SLC34A3: variants seen among roughly 807,000 people sequenced by gnomAD.
SLC34A3 encodes solute carrier family 34 member 3.
In SLC34A3, 60 loss-of-function variants were observed where a neutral mutation model predicts 43.9. The ratio of observed to expected loss-of-function variants is 1.37; its 90% CI spans 1.11 to 1.70. The LOEUF is 1.70. Ranked by LOEUF, SLC34A3 falls within the 40% of genes most tolerant of loss-of-function variation. The pLI is 0.00. For synonymous variants in SLC34A3, 451 were observed against 386.2 expected (o/e 1.17, Z -1.97); for missense variants, 969 against 823.8 (o/e 1.18, Z -2.16).
rs765381678 is a variant in SLC34A3 at position 137,231,730 on chromosome 9, G to A, written c.28G>A (p.Val10Ile). 1 of 1,613,070 alleles carries A rather than the reference G, an allele frequency of 6.2e-7. No homozygotes were observed. The highest frequency in any genetic ancestry group is 1.1e-5 in the South Asian group (1 of 91,080). ...GCCGAGTTCCCTTCCCGGCAGCCAG[G>A]TCCCCCACCCCACTCTGGACGCGGT... Reference protein sequence around the residue: MPSSLPGSQVPHPTLDAVDL... With the variant: MPSSLPGSQIPHPTLDAVDL... The change falls in exon 2 of 13, where the codon GTC becomes ATC. Residue 10 changes from valine (V) to isoleucine (I), a missense_variant. By Grantham distance (29) the Val-to-Ile change is conservative. Transcript: ENST00000673835.
rs768922988 is a variant in SLC34A3, at chr9:137,234,259, G to A, written c.1076G>A (p.Arg359Lys). 1 of 1,611,052 alleles carries A rather than the reference G, an allele frequency of 6.2e-7. No individual in the cohort carries two copies. Among genetic ancestry groups the A allele is most frequent in the Non-Finnish European group, 8.5e-7 (1 of 1,179,556 alleles). ...VLRGRVAQVVRTVINADFPFP... is the reference protein window; with the variant it reads ...VLRGRVAQVVKTVINADFPFP... ...CGCGGCCGCGTGGCCCAGGTCGTGAGGACAGTCATCAATGCGGGTGAGGGC... is the reference window on the plus strand; with the variant it reads ...CGCGGCCGCGTGGCCCAGGTCGTGAAGACAGTCATCAATGCGGGTGAGGGC... The change falls in exon 10 of 13, where the codon AGG becomes AAG. Residue 359 changes from arginine to lysine, a missense_variant. Arg to Lys is a conservative substitution (Grantham distance 26). Coordinates refer to ENST00000673835, the MANE Select transcript of SLC34A3 (RefSeq NM_001177316.2). The surrounding 1 kb of genome is among the most constrained non-coding windows in gnomAD (Gnocchi z 6.9).
chr9:137,236,456 GGGAGGGCTCT>G lies in SLC34A3; in HGVS notation c.*48_*57del, dbSNP rs575802297. ...GCAGACCGCCCCACCCTCCCCGGCT[GGGAGGGCTCT>G]GGAGGGCCCTGGAGGGGGGGTCCCC... On this transcript the variant is annotated 3_prime_UTR_variant, in exon 13 of 13. Transcript: ENST00000673835. 1.4e-3 allele frequency: 2,122 copies of G among 1,519,334 alleles called. 5 individuals carry two copies. The highest frequency in any genetic ancestry group is 1.6e-3 in the South Asian group (138 of 83,674). The allele number at this position is 1,519,334 out of a possible 1,614,324, so 94.1% of individuals were successfully genotyped here. A position where few individuals can be genotyped will look rare whatever the true frequency, so the allele number is the denominator to read the frequency against.
rs915920618 is a variant in SLC34A3, at chr9:137,234,128, C to T, written c.945C>T (p.Gly315=). 1.9e-6 allele frequency: 3 copies of T among 1,562,350 alleles called. No individual in the cohort carries two copies. Among genetic ancestry groups the T allele is most frequent in the African/African-American group, 2.8e-5 (2 of 72,660 alleles). The stretch of plus-strand genomic sequence containing the variant: ...CCCCAGGCCGCCACCTGTTTGCGGG[C>T]ACGGAGCTCACGGACCTGGCCGTGG... ...DRLPCRHLFA[G]TELTDLAVGC... The change falls in exon 10 of 13, where the codon GGC becomes GGT. Residue 315 remains glycine, a synonymous_variant. Transcript: ENST00000673835. The surrounding 1 kb of genome is among the most constrained non-coding windows in gnomAD (Gnocchi z 6.9).
chr9:137,231,780 G>C lies in SLC34A3; in HGVS notation c.78G>C (p.Arg26Ser), dbSNP rs771909414. ...TTGACCTAGTGGAAAAGACTCTGAG[G>C]AATGAAGGTACCAGTGGCCCCTGTG... Reference protein sequence around the residue: ...DAVDLVEKTLRNEGTSSSAPV... With the variant: ...DAVDLVEKTLSNEGTSSSAPV... Residue 26 changes from arginine (R) to serine (S), a missense_variant, in exon 2 of 13, where the codon AGG (arginine) becomes AGC (serine). Coordinates refer to ENST00000673835, the MANE Select transcript of SLC34A3 (RefSeq NM_001177316.2). The C allele has an allele frequency of 6.2e-7, 1 of 1,613,152 alleles. No homozygotes were observed. The highest frequency in any genetic ancestry group is 1.1e-5 in the South Asian group (1 of 91,086).
At position 137,234,227 on chromosome 9, in the gene SLC34A3, T is replaced by A. The variant is rs771158135; in HGVS notation, c.1044T>A (p.Ser348=). The part of the protein sequence containing the change: ...CLVLIVKLLN[S]VLRGRVAQVV... The stretch of plus-strand genomic sequence containing the variant: ...TCCTCATAGTCAAGCTGCTCAACTC[T>A]GTGCTGCGCGGCCGCGTGGCCCAGG... Residue 348 remains serine, a synonymous_variant, in exon 10 of 13, where the codon TCT becomes TCA. Transcript: ENST00000673835. The surrounding 1 kb of genome is among the most constrained non-coding windows in gnomAD (Gnocchi z 6.9). The A allele has an allele frequency of 1.6e-5, 25 of 1,609,534 alleles. No homozygotes were observed. The African/African-American group carries it at 2.4e-4, about 15-fold the overall frequency.
In SLC34A3 at chr9:137,236,424, T is replaced by C. The variant is rs1184255795; in HGVS notation, c.*8T>C. On this transcript the variant is annotated 3_prime_UTR_variant, in exon 13 of 13. Transcript: ENST00000673835. ...GCCTCCCAGCAGTTGTGACGGGCAG[T>C]TGCTGAGCAGACCGCCCCACCCTCC... 5 of 1,535,690 alleles carry C rather than the reference T, an allele frequency of 3.3e-6. No homozygotes were observed. In the Admixed American group the frequency reaches 5.9e-5, roughly 18 times the overall value.
intron 3 of SLC34A3, 57 bp from the exon 4 acceptor site, chr9:137,232,518 G>A (rs1836281237): frequency 1.2e-6 from 2 of 1,605,038 alleles, no homozygotes; most frequent in African/African-American, 1.3e-5. Flanking sequence ...AGGGGCCTGG[G>A]AGGGAGACCT....
chr9:137,233,779 T>TGGGCCCCCCCCCCCCCCCC, intron 8 of SLC34A3, 57 bp downstream of exon 8: 1 of 1,445,822 alleles, frequency 6.9e-7, no homozygotes, highest in Non-Finnish European at 9.6e-7. Flanking sequence ...TGCTGAGTCA[T>TGGGCCCCCCCCCCCCCCCC]CCCGCCCCAC....
At position 137,232,094 on chromosome 9, in the gene SLC34A3, C is replaced by T. The variant is rs1284879085; in HGVS notation, c.108C>T (p.Val36=). Residue 36 remains valine (V), a synonymous_variant, in exon 3 of 13, where the codon GTC becomes GTT. Transcript: ENST00000673835. ...RNEGTSSSAP[V]LEEGDTDPWT... ...CAGGGACCTCCAGTTCTGCTCCAGT[C>T]TTGGAGGAAGGGGACACAGACCCCT... 3 of 1,613,116 alleles carry T rather than the reference C, an allele frequency of 1.9e-6. No individual in the cohort carries two copies. The highest frequency in any genetic ancestry group is 2.5e-6 in the Non-Finnish European group (3 of 1,179,990).
At position 137,234,318 on chromosome 9, in the gene SLC34A3, G is replaced by A. The variant is rs1836455606; in HGVS notation, c.1093+42G>A. On this transcript the variant is annotated intron_variant, in intron 10 of 12. Transcript: ENST00000673835. This position sits in a 1 kb window ranked among gnomAD's most constrained non-coding sequence, Gnocchi z 6.9. ...AGGTGCGGTGGCCAGGGCTGACCCA[G>A]CATCCCCCATAGACTTCCCCTTCCC... 2 of 1,605,236 alleles carry A rather than the reference G, an allele frequency of 1.2e-6. No individual in the cohort carries two copies. Among genetic ancestry groups the A allele is most frequent in the African/African-American group, 2.7e-5 (2 of 74,862 alleles).
At position 137,233,578 on chromosome 9, in the gene SLC34A3, C is replaced by T. The variant is rs981824019; in HGVS notation, c.757-55C>T. 56 of 1,586,460 alleles carry T rather than the reference C, an allele frequency of 3.5e-5. No individual in the cohort carries two copies. The South Asian group carries it at 3.8e-4, about 11-fold the overall frequency. ...CTGGACCCCGCGGGCGCCAGAGCCCCGGGTGAGTCCTGAGAGAGGGTGCAG... is the reference window on the plus strand; with the variant it reads ...CTGGACCCCGCGGGCGCCAGAGCCCTGGGTGAGTCCTGAGAGAGGGTGCAG... On this transcript the variant is annotated intron_variant, in intron 7 of 12. Coordinates refer to ENST00000673835, the MANE Select transcript of SLC34A3 (RefSeq NM_001177316.2).
At chr9:137,233,779 T>TTGCGCC in intron 8 of SLC34A3, 57 bp downstream of exon 8, 3 of 1,445,816 alleles carry the variant, frequency 2.1e-6, no homozygotes, top group Non-Finnish European at 2.9e-6. Context: ...TGCTGAGTCA[T>TTGCGCC]CCCGCCCCAC....
At position 137,236,315 on chromosome 9, in the gene SLC34A3, A is replaced by G; in HGVS notation, c.1699A>G (p.Thr567Ala). ...HSLEPWDRLV[T>A]RCCPCNVCSP... is the part of the protein sequence containing the mutation. ...TCTGGAGCCCTGGGACCGCCTGGTG[A>G]CCCGCTGCTGCCCCTGCAACGTCTG... Residue 567 changes from threonine to alanine, a missense_variant, in exon 13 of 13, where the codon ACC becomes GCC. Thr to Ala is a moderately conservative substitution (Grantham distance 58, BLOSUM62 0). Coordinates refer to ENST00000673835, the MANE Select transcript of SLC34A3 (RefSeq NM_001177316.2). 6.5e-7 allele frequency: 1 copy of G among 1,542,112 alleles called. No homozygotes were observed. The highest frequency in any genetic ancestry group is 8.7e-7 in the Non-Finnish European group (1 of 1,146,600).
chr9:137,231,973 G>A, intron 2 of SLC34A3, 99 bp from the exon 3 acceptor site: 1 of 1,249,542 alleles, frequency 8.0e-7, no homozygotes. Flanking sequence ...CTCACTCCAG[G>A]CCTCTTACGC....
rs773260718 is a variant in SLC34A3, at chr9:137,233,382, C to T, written c.734C>T (p.Pro245Leu). Residue 245 changes from proline (P) to leucine (L), a missense_variant, in exon 7 of 13, where the codon CCG becomes CTG. Pro to Leu is a moderately conservative substitution (Grantham distance 98). Coordinates refer to ENST00000673835, the MANE Select transcript of SLC34A3 (RefSeq NM_001177316.2). Reference protein sequence around the residue: ...APDILKVLTKPLTHLIVQLDS... With the variant: ...APDILKVLTKLLTHLIVQLDS... Reference sequence around the variant, plus strand: ...GACATCCTCAAGGTGCTGACGAAGCCGCTCACACACCTCATCGTGCAGGTG... The same window carrying T: ...GACATCCTCAAGGTGCTGACGAAGCTGCTCACACACCTCATCGTGCAGGTG... The T allele has an allele frequency of 2.2e-5, 35 of 1,604,910 alleles. No individual in the cohort carries two copies. The highest frequency in any genetic ancestry group is 2.7e-5 in the African/African-American group (2 of 74,752).
chr9:137,233,628 C>T lies in SLC34A3; in HGVS notation c.757-5C>T. 6.2e-7 allele frequency: 1 copy of T among 1,612,460 alleles called. No homozygotes were observed. Among genetic ancestry groups the T allele is most frequent in the Non-Finnish European group, 8.5e-7 (1 of 1,179,622 alleles). The stretch of plus-strand genomic sequence containing the variant: ...GCACACCGTCACGACCCCTCTGGCC[C>T]CCAGTTGGACTCCGACATGATCATG... On this transcript the variant is annotated splice_region_variant and splice_polypyrimidine_tract_variant and intron_variant, in intron 7 of 12. Coordinates refer to ENST00000673835, the MANE Select transcript of SLC34A3 (RefSeq NM_001177316.2).
upstream of SLC34A3, chr9:137,230,649 G>A (rs1306773498): frequency 6.6e-6 from 1 of 152,198 alleles, no homozygotes; most frequent in Admixed American, 6.5e-5. Flanking sequence ...GAGGGCCGGT[G>A]CCCCGCCCCG....
Position 137,233,041 on chromosome 9 carries a change from T to A in SLC34A3, c.486T>A (p.Gly162=). ...GGGTGTCTGTGCCCATCATCATGGG[T>A]GTCAACGTAGGCACATCCATCACCA... The part of the protein sequence containing the change: ...TVRVSVPIIM[G]VNVGTSITST... The change falls in exon 6 of 13, where the codon GGT becomes GGA. Residue 162 remains glycine (G), a synonymous_variant. Transcript: ENST00000673835. 1 of 1,611,774 alleles carries A rather than the reference T, an allele frequency of 6.2e-7. No individual in the cohort carries two copies.
chr9:137,233,796 T>G, intron 8 of SLC34A3, 67 bp from the exon 9 acceptor site: 1 of 283,040 alleles, frequency 3.5e-6, no homozygotes, highest in Non-Finnish European at 6.3e-6. Context: ...CCACCCACCC[T>G]CACCTCGAGC....
Sources: gnomAD v4.1 joint callset for allele counts on GRCh38, gnomAD v4.1.1 for gene constraint, Gnocchi (gnomAD v3.1) non-coding constraint, MANE v1.5 for transcripts, NCBI Gene and HGNC (gene_info 2026-07-23, HGNC 2026-07-21) for gene names.